SNTG2: variants seen among roughly 807,000 people sequenced by gnomAD.
SNTG2 encodes syntrophin gamma 2.
In SNTG2, 74 loss-of-function variants were observed where a neutral mutation model predicts 70.9. The observed-to-expected ratio is 1.04, with a 90% confidence interval of 0.86 to 1.27. SNTG2 has a LOEUF of 1.27. SNTG2 is among the 50% of genes most tolerant of loss of function. SNTG2 has a pLI of 0.00. For missense variants in SNTG2, 717 were observed against 690.7 expected (o/e 1.04, Z -0.43); for synonymous variants, 278 against 273.8 (o/e 1.02, Z -0.15).
At chr2:1,161,425 A>G (rs938032332) in intron 6 of SNTG2, 14 of 152,230 alleles carry the variant, frequency 9.2e-5, no homozygotes, top group African/African-American at 3.4e-4. Flanking sequence ...GGCCATGGCT[A>G]CTGGTGTTAA....
chr2:958,579 GA>G (rs919597909), intron 1 of SNTG2, among the ~76,000 whole-genome samples: 1 of 151,380 alleles, frequency 6.6e-6, no homozygotes, highest in Non-Finnish European at 1.5e-5. Context: ...CTTTAAAAAG[GA>G]AAAAAAAGAA....
At chr2:1,130,763 CTG>C (rs1667965031) in intron 4 of SNTG2, among the ~76,000 whole-genome samples, 1 of 152,092 alleles carries the variant, frequency 6.6e-6, no homozygotes, top group Non-Finnish European at 1.5e-5. Context: ...ATTAAAAACT[CTG>C]TGTAGAGAAG....
At chr2:1,299,123 T>C (rs1680341860) in intron 14 of SNTG2, among the ~76,000 whole-genome samples, 1 of 152,206 alleles carries the variant, frequency 6.6e-6, no homozygotes, top group Non-Finnish European at 1.5e-5. Flanking sequence ...ACAAGATACT[T>C]TTATCCCATA....
chr2:1,162,779 C>CGG (rs11437164), intron 6 of SNTG2, among the ~76,000 whole-genome samples: 1 of 151,990 alleles, frequency 6.6e-6, no homozygotes, highest in African/African-American at 2.4e-5. Flanking sequence ...GGATCTTGTG[C>CGG]GGGGGGAGGA....
At chr2:1,247,559 G>T in intron 12 of SNTG2, 116 bp downstream of exon 12, 1 of 693,896 alleles carries the variant, frequency 1.4e-6, no homozygotes, top group Non-Finnish European at 2.5e-6. Flanking sequence ...TGGTCCTGCC[G>T]TTTGCTGTTT....
intron 6 of SNTG2, among the ~76,000 whole-genome samples, chr2:1,139,127 C>T (rs900165073): frequency 1.3e-5 from 2 of 152,244 alleles, no homozygotes; most frequent in Non-Finnish European, 2.9e-5. Context: ...TGGGAAAACA[C>T]ATCACAATTG....
chr2:1,326,941 G>A (rs563664277), intron 16 of SNTG2, among the ~76,000 whole-genome samples: 1 of 151,496 alleles, frequency 6.6e-6, no homozygotes, highest in South Asian at 2.1e-4. Context: ...TTTACATTAG[G>A]CAAAGCCACT....
At chr2:1,060,274 A>G (rs1662724590) in intron 1 of SNTG2, among the ~76,000 whole-genome samples, 1 of 152,234 alleles carries the variant, frequency 6.6e-6, no homozygotes, top group Non-Finnish European at 1.5e-5. Flanking sequence ...CTTTCAAGAA[A>G]TGAAATAACG....
intron 1 of SNTG2, among the ~76,000 whole-genome samples, chr2:1,039,791 G>C (rs957939170): frequency 2.6e-5 from 4 of 152,108 alleles, no homozygotes; most frequent in Non-Finnish European, 5.9e-5. Flanking sequence ...TAACATCACT[G>C]GGAAGCTGTG....
intron 2 of SNTG2, among the ~76,000 whole-genome samples, chr2:1,088,910 C>A (rs1664846109): frequency 6.6e-6 from 1 of 152,360 alleles, no homozygotes; most frequent in South Asian, 2.1e-4. Flanking sequence ...TTTGTCTCCA[C>A]AGCGGAGGAT....
chr2:1,013,540 G>A (rs371923516), intron 1 of SNTG2, among the ~76,000 whole-genome samples: 1 of 570 alleles, frequency 1.8e-3, no homozygotes. Flanking sequence ...GGTCTGGAGA[G>A]GGATTTATAT....
chr2:1,114,154 C>T (rs912025178), intron 4 of SNTG2, among the ~76,000 whole-genome samples: 7 of 148,342 alleles, frequency 4.7e-5, no homozygotes, highest in Admixed American at 1.4e-4. Context: ...TTAACCCTTA[C>T]GGTCCTTTGA....
chr2:1,057,737 C>T (rs768431222), intron 1 of SNTG2, among the ~76,000 whole-genome samples: 2 of 152,130 alleles, frequency 1.3e-5, no homozygotes, highest in Non-Finnish European at 2.9e-5. Flanking sequence ...AGTTGACACT[C>T]ACTATTAACC....
At chr2:1,310,250 C>T (rs994923826) in intron 15 of SNTG2, among the ~76,000 whole-genome samples, 1 of 152,148 alleles carries the variant, frequency 6.6e-6, no homozygotes, top group Non-Finnish European at 1.5e-5. Context: ...AGGAGCGAAA[C>T]GCTGGCCCAC....
chr2:1,098,411 G>A lies in SNTG2; in HGVS notation c.325+1G>A, dbSNP rs1402855078. The A allele has an allele frequency of 3.7e-6, 6 of 1,613,944 alleles. No homozygotes were observed. Among genetic ancestry groups the A allele is most frequent in the Non-Finnish European group, 5.1e-6 (6 of 1,179,866 alleles). On this transcript the variant is annotated splice_donor_variant, in intron 4 of 16. Transcript: ENST00000308624. LOFTEE classifies it high-confidence loss of function. Reference sequence around the variant, plus strand: ...TCAAAAATATTCGAAGACCAAGCAGGTAAAAACAGCCAAAATGACCTGTGT... The same window carrying A: ...TCAAAAATATTCGAAGACCAAGCAGATAAAAACAGCCAAAATGACCTGTGT...
intron 1 of SNTG2, among the ~76,000 whole-genome samples, chr2:1,066,024 G>A (rs926462928): frequency 6.6e-6 from 1 of 152,180 alleles, no homozygotes; most frequent in African/African-American, 2.4e-5. Context: ...TGGTGCAAAA[G>A]AAATTGTGGT....
At chr2:1,225,001 A>G (rs1382819374) in intron 9 of SNTG2, among the ~76,000 whole-genome samples, 1 of 152,252 alleles carries the variant, frequency 6.6e-6, no homozygotes, top group Non-Finnish European at 1.5e-5. Context: ...GTGGCCATTC[A>G]CGTGGCTTTA....
At chr2:1,041,097 G>T (rs1009606971) in intron 1 of SNTG2, among the ~76,000 whole-genome samples, 3 of 152,194 alleles carry the variant, frequency 2.0e-5, no homozygotes, top group Admixed American at 1.3e-4. Flanking sequence ...CTCTGCATCT[G>T]TCCCGCAGCA....
chr2:1,077,366 C>G (rs4971426), intron 1 of SNTG2, among the ~76,000 whole-genome samples: 2,684 of 152,194 alleles, frequency 0.018, 93 homozygotes, highest in African/African-American at 0.062. Flanking sequence ...ATTTACCTGC[C>G]TGGTAGTTTA....
Sources: gnomAD v4.1 joint callset for allele counts (sites outside exome capture counted in the v4.1 genomes callset) on GRCh38, gnomAD v4.1.1 for gene constraint, MANE v1.5 for transcripts, NCBI Gene and HGNC (gene_info 2026-07-23, HGNC 2026-07-21) for gene names.